The following DENND5A variants were observed in gnomAD, a reference collection of about 807,000 sequenced individuals.
The protein encoded by DENND5A is DENN domain containing 5A.
DENND5A carries 64 observed loss-of-function variants against 140.3 expected under a neutral mutation model. The ratio of observed to expected loss-of-function variants is 0.46; its 90% CI spans 0.37 to 0.56. DENND5A has a LOEUF of 0.56. DENND5A is among the 20% of genes least tolerant of loss of function. The pLI, the probability that DENND5A is intolerant of heterozygous loss-of-function variation, is 0.00. For missense variants in DENND5A, 1,292 were observed against 1,593.8 expected, an observed-to-expected ratio of 0.81 and a Z score of 3.22; for synonymous variants, 605 against 607.7, an observed-to-expected ratio of 1.00 and a Z score of 0.07.
chr11:9,241,372 T>C (rs888671796), intron 1 of DENND5A, among the ~76,000 whole-genome samples: 5 of 152,118 alleles, frequency 3.3e-5, no homozygotes, highest in African/African-American at 9.7e-5. Flanking sequence ...GGTTAAAATG[T>C]ACATTTCTAA....
At chr11:9,195,420 TATG>T (rs1471199074) in intron 4 of DENND5A, among the ~76,000 whole-genome samples, 4 of 152,202 alleles carry the variant, frequency 2.6e-5, no homozygotes, top group Non-Finnish European at 5.9e-5. Context: ...GATATGATGA[TATG>T]ATGGTTTCAG....
chr11:9,164,056 GTTTTTTTTTTTTTTT>G (rs768604681), intron 11 of DENND5A, among the ~76,000 whole-genome samples: 23 of 57,978 alleles, frequency 4.0e-4, no homozygotes, highest in Admixed American at 1.3e-3. Context: ...TATTAATCAG[GTTTTTTTTTTTTTTT>G]TTTTTTTTTT....
chr11:9,169,397 G>A (rs914748105), intron 10 of DENND5A, among the ~76,000 whole-genome samples: 1 of 152,044 alleles, frequency 6.6e-6, no homozygotes. Flanking sequence ...AGTGAGCCGA[G>A]ATCGCTCCAC....
rs548141276 is a variant in DENND5A, at chr11:9,228,110, CAAAAAAAAAAA to C, written c.110-20489_110-20479del. Among the ~76,000 whole-genome samples the C allele has an allele frequency of 6.9e-4, 50 of 72,658 alleles. 1 individual carries two copies. Among genetic ancestry groups the C allele is most frequent in the African/African-American group, 2.7e-3 (47 of 17,640 alleles). 47.7% of individuals were successfully genotyped at this position (72,658 alleles called of 152,430 possible). A position where few individuals can be genotyped will look rare whatever the true frequency, so the allele number is the denominator to read the frequency against. ...CCTGGGCGATAGCAAGACTCCATCTCAAAAAAAAAAAAAAAAAAAAAACTTACATTTGGTCT... is the reference window on the plus strand; with the variant it reads ...CCTGGGCGATAGCAAGACTCCATCTCAAAAAAAAAAACTTACATTTGGTCT... On this transcript the variant is annotated intron_variant, in intron 1 of 22. Transcript: ENST00000328194.
intron 1 of DENND5A, among the ~76,000 whole-genome samples, chr11:9,243,681 T>C (rs1039122182): frequency 6.6e-6 from 1 of 151,910 alleles, no homozygotes; most frequent in Non-Finnish European, 1.5e-5. Flanking sequence ...AGGTCAGGAG[T>C]TTGACACCAG....
intron 12 of DENND5A, among the ~76,000 whole-genome samples, chr11:9,158,836 C>A (rs1381108585): frequency 6.6e-6 from 1 of 152,164 alleles, no homozygotes; most frequent in Non-Finnish European, 1.5e-5. Flanking sequence ...AAAACCACTT[C>A]ATTGAGATAT....
intron 22 of DENND5A, among the ~76,000 whole-genome samples, chr11:9,140,849 A>T (rs1357044928): frequency 1.3e-5 from 2 of 152,212 alleles, no homozygotes; most frequent in African/African-American, 4.8e-5. Flanking sequence ...AATGTTGGCC[A>T]GGCATGGTGG....
intron 1 of DENND5A, among the ~76,000 whole-genome samples, chr11:9,244,671 T>TTTTA (rs773765693): frequency 2.6e-5 from 4 of 151,480 alleles, no homozygotes; most frequent in African/African-American, 9.7e-5. Flanking sequence ...GCTCAGCCTA[T>TTTTA]TTTATTTATT....
In DENND5A at chr11:9,160,720, A is replaced by C. The variant is rs1232132365; in HGVS notation, c.2429T>G (p.Val810Gly). ...LERIWSHGLQ[V>G]KQGKSALWSH... ...AGGCAAGACATACATTACCTGTTTC[A>C]CTTGTAGTCCATGACTCCAGATCCT... Residue 810 changes from valine to glycine, a missense_variant, in exon 12 of 23, where the codon GTG becomes GGG. Physicochemically the swap from Val to Gly is moderately radical, Grantham distance 109. This residue lies in a region of DENND5A where 498 missense variants were observed against 689.7 expected (regional missense o/e 0.72). Coordinates refer to ENST00000328194, the MANE Select transcript of DENND5A (RefSeq NM_015213.4). 6.2e-7 allele frequency: 1 copy of C among 1,611,722 alleles called. No individual in the cohort carries two copies. The highest frequency in any genetic ancestry group is 2.2e-5 in the East Asian group (1 of 44,874).
chr11:9,214,025 C>CT (rs1366156887), intron 1 of DENND5A, among the ~76,000 whole-genome samples: 7 of 152,090 alleles, frequency 4.6e-5, no homozygotes, highest in Non-Finnish European at 8.8e-5. Context: ...TGCATATTGG[C>CT]ATTCTGGGAT....
At chr11:9,197,589 G>C (rs560214543) in intron 4 of DENND5A, among the ~76,000 whole-genome samples, 1 of 151,796 alleles carries the variant, frequency 6.6e-6, no homozygotes, top group South Asian at 2.1e-4. Flanking sequence ...CAGCTACTTG[G>C]GGGGCTGAGG....
chr11:9,258,347 A>G (rs964613173), intron 1 of DENND5A, among the ~76,000 whole-genome samples: 6 of 146,212 alleles, frequency 4.1e-5, no homozygotes, highest in Non-Finnish European at 9.0e-5. Context: ...TCATTGTTCA[A>G]CTCCCACTTA....
intron 20 of DENND5A, chr11:9,143,185 T>C: frequency 4.9e-6 from 3 of 608,714 alleles, no homozygotes; most frequent in Non-Finnish European, 8.7e-6. Flanking sequence ...GGGACTCTAT[T>C]GGGTCATCAG....
chr11:9,145,640 C>A (rs1425889951), intron 17 of DENND5A, 30 bp downstream of exon 17: 1 of 1,613,272 alleles, frequency 6.2e-7, no homozygotes, highest in Non-Finnish European at 8.5e-7. Context: ...CTCAGATCCC[C>A]ACAGAGCTGT....
chr11:9,169,350 G>A (rs1242322848), intron 10 of DENND5A, among the ~76,000 whole-genome samples: 3 of 152,140 alleles, frequency 2.0e-5, no homozygotes, highest in African/African-American at 7.2e-5. Flanking sequence ...AGAGGCTGAG[G>A]CAGGGGAATT....
intron 17 of DENND5A, 74 bp from the exon 18 acceptor site, chr11:9,145,187 T>C (rs1178672321): frequency 9.0e-7 from 1 of 1,113,986 alleles, no homozygotes; most frequent in Admixed American, 1.7e-5. Flanking sequence ...GAGGCACAGA[T>C]CTGACTGGCT....
At position 9,211,312 on chromosome 11, in the gene DENND5A, G is replaced by C. The variant is rs1366782662; in HGVS notation, c.110-3680C>G. Among the ~76,000 whole-genome samples, 18 of 152,226 alleles carry C rather than the reference G, an allele frequency of 1.2e-4. No individual in the cohort carries two copies. The East Asian group carries it at 2.5e-3, about 21-fold the overall frequency. The stretch of plus-strand genomic sequence containing the variant: ...CTGCCTACAAACCTGGCTGATCCCT[G>C]AAACACGCATGCATGGAGAAGACCC... On this transcript the variant is annotated intron_variant, in intron 1 of 22. Transcript: ENST00000328194.
chr11:9,187,538 A>G (rs1344552404), intron 5 of DENND5A, among the ~76,000 whole-genome samples: 1 of 152,204 alleles, frequency 6.6e-6, no homozygotes, highest in Admixed American at 6.5e-5. Context: ...CTGTTTCTCC[A>G]GTCTATCCTC....
chr11:9,220,166 CA>C (rs979503735), intron 1 of DENND5A, among the ~76,000 whole-genome samples: 1 of 151,332 alleles, frequency 6.6e-6, no homozygotes, highest in Non-Finnish European at 1.5e-5. Flanking sequence ...ACACTAAAAG[CA>C]AAAAAAATAG....
Sources: allele counts gnomAD v4.1 joint callset (sites outside exome capture counted in the v4.1 genomes callset), GRCh38; gene constraint gnomAD v4.1.1; regional missense constraint gnomAD v4.1.1; transcripts MANE v1.5; gene names NCBI Gene and HGNC (gene_info 2026-07-23, HGNC 2026-07-21).